Variants in SRRM4 observed in about 807,000 individuals in gnomAD.
SRRM4 encodes the protein serine/arginine repetitive matrix protein 4.
SRRM4 carries 33 observed loss-of-function variants against 68.9 expected under a neutral mutation model. The observed-to-expected ratio is 0.48, with a 90% CI of 0.36 to 0.64. The LOEUF is 0.64. Ranked by LOEUF, SRRM4 falls within the 30% of genes least tolerant of loss-of-function variation. SRRM4 has a pLI of 0.00. For missense variants in SRRM4, 817 were observed against 827.1 expected (o/e 0.99, Z 0.15); for synonymous variants, 318 against 318.8 (o/e 1.00, Z 0.03).
intron 5 of SRRM4, among the ~76,000 whole-genome samples, chr12:119,121,092 G>A (rs912381924): frequency 1.3e-5 from 2 of 152,164 alleles, no homozygotes; most frequent in Non-Finnish European, 2.9e-5. Context: ...TTAAAGGGAC[G>A]GGTAACTACC....
At chr12:119,105,146 A>G (rs1425875272) in intron 2 of SRRM4, among the ~76,000 whole-genome samples, 3 of 152,020 alleles carry the variant, frequency 2.0e-5, no homozygotes, top group Non-Finnish European at 4.4e-5. Flanking sequence ...AAAGGACATG[A>G]ACTCATCCTT....
intron 1 of SRRM4, among the ~76,000 whole-genome samples, chr12:118,988,542 A>G (rs1953297379): frequency 1.3e-5 from 2 of 152,232 alleles, no homozygotes; most frequent in South Asian, 4.1e-4. Flanking sequence ...AACAACCACC[A>G]GTGATGGGGG....
chr12:119,020,861 G>A (rs1953511655), intron 1 of SRRM4, among the ~76,000 whole-genome samples: 1 of 152,238 alleles, frequency 6.6e-6, no homozygotes, highest in Admixed American at 6.5e-5. Flanking sequence ...AAGAAAGCTG[G>A]GAGAGGGTGT....
intron 1 of SRRM4, among the ~76,000 whole-genome samples, chr12:119,073,477 G>T (rs926263189): frequency 8.6e-5 from 13 of 152,020 alleles, no homozygotes; most frequent in Middle Eastern, 3.4e-3. Flanking sequence ...ACAGGCACCT[G>T]CCATGCCCAG....
chr12:119,056,094 C>A (rs564086887), intron 1 of SRRM4, among the ~76,000 whole-genome samples: 1 of 152,218 alleles, frequency 6.6e-6, no homozygotes, highest in Non-Finnish European at 1.5e-5. Context: ...TAACTCTGCT[C>A]TTCCGGCCAG....
At chr12:119,141,435 C>G (rs115648882) in intron 8 of SRRM4, among the ~76,000 whole-genome samples, 68 of 152,192 alleles carry the variant, frequency 4.5e-4, no homozygotes, top group African/African-American at 1.6e-3. Flanking sequence ...GAGGTTCTCT[C>G]GAGCTCACAC....
intron 1 of SRRM4, among the ~76,000 whole-genome samples, chr12:119,083,439 A>G (rs1953961520): frequency 6.6e-6 from 1 of 152,054 alleles, no homozygotes; most frequent in Non-Finnish European, 1.5e-5. Flanking sequence ...GACTGATGGG[A>G]GCTGGTGGAT....
chr12:119,140,796 G>A (rs1318760522), intron 8 of SRRM4, among the ~76,000 whole-genome samples: 3 of 152,234 alleles, frequency 2.0e-5, no homozygotes, highest in African/African-American at 7.2e-5. Context: ...TTCTCCCAGG[G>A]TCCTCGGTCT....
intron 3 of SRRM4, 35 bp from the exon 4 acceptor site, chr12:119,116,902 C>A: frequency 3.7e-6 from 6 of 1,605,410 alleles, no homozygotes; most frequent in Non-Finnish European, 5.1e-6. Context: ...CCTTTAAGAG[C>A]CTCCTTCTGA....
At chr12:119,046,252 C>T (rs1284188134) in intron 1 of SRRM4, among the ~76,000 whole-genome samples, 2 of 151,938 alleles carry the variant, frequency 1.3e-5, no homozygotes, top group African/African-American at 4.8e-5. Flanking sequence ...CAGTGGGCCC[C>T]TGGGAGCAGG....
At chr12:119,083,675 G>A (rs1456777036) in intron 1 of SRRM4, among the ~76,000 whole-genome samples, 1 of 152,172 alleles carries the variant, frequency 6.6e-6, no homozygotes, top group Non-Finnish European at 1.5e-5. Flanking sequence ...TAAGGGAATG[G>A]TCCCATTCCC....
chr12:119,153,420 C>G (rs1954451278), intron 10 of SRRM4, 119 bp from the exon 11 acceptor site: 1 of 650,552 alleles, frequency 1.5e-6, no homozygotes, highest in Non-Finnish European at 2.7e-6. Context: ...GTTCCTCTGC[C>G]TGGCTTCCAG....
At chr12:119,055,147 C>A (rs1953768542) in intron 1 of SRRM4, among the ~76,000 whole-genome samples, 1 of 152,112 alleles carries the variant, frequency 6.6e-6, no homozygotes, top group Non-Finnish European at 1.5e-5. Flanking sequence ...GAAATTTATG[C>A]CCTCTGTGAA....
intron 2 of SRRM4, among the ~76,000 whole-genome samples, chr12:119,106,185 A>G (rs999205600): frequency 3.9e-5 from 6 of 152,226 alleles, no homozygotes; most frequent in African/African-American, 1.4e-4. Flanking sequence ...TTTTGGTACC[A>G]GTACCATGCT....
intron 3 of SRRM4, 33 bp downstream of exon 3, chr12:119,114,397 A>T: frequency 6.4e-7 from 1 of 1,552,954 alleles, no homozygotes; most frequent in Non-Finnish European, 8.8e-7. Flanking sequence ...AAAACCTGTA[A>T]GATGCAGGCA....
chr12:119,132,121 CCTT>C (rs1954301991), intron 8 of SRRM4, among the ~76,000 whole-genome samples: 1 of 152,198 alleles, frequency 6.6e-6, no homozygotes, highest in Non-Finnish European at 1.5e-5. Context: ...TCCCCAGACT[CCTT>C]CTTGGTAGAG....
chr12:119,026,043 G>A (rs1194145448), intron 1 of SRRM4, among the ~76,000 whole-genome samples: 1 of 151,910 alleles, frequency 6.6e-6, no homozygotes, highest in East Asian at 1.9e-4. Context: ...CACAAGGTCA[G>A]GGCTCCACAT....
chr12:119,024,716 G>A (rs1005038666), intron 1 of SRRM4, among the ~76,000 whole-genome samples: 3 of 152,198 alleles, frequency 2.0e-5, no homozygotes, highest in African/African-American at 7.2e-5. Context: ...GGCCAGGCTA[G>A]CCAGGCCTCT....
intron 1 of SRRM4, among the ~76,000 whole-genome samples, chr12:119,070,217 G>GA (rs35318757): frequency 1.4e-3 from 202 of 145,428 alleles, no homozygotes; most frequent in East Asian, 8.2e-3. Flanking sequence ...ACACAGGTGA[G>GA]AAAAAAAAAA....
Sources: allele counts gnomAD v4.1 joint callset (sites outside exome capture counted in the v4.1 genomes callset), GRCh38; gene constraint gnomAD v4.1.1; transcripts MANE v1.5; gene names NCBI Gene and HGNC (gene_info 2026-07-23, HGNC 2026-07-21).